The following MARCHF4 variants were observed in gnomAD, a reference collection of about 807,000 sequenced individuals.
The protein encoded by MARCHF4 is E3 ubiquitin-protein ligase MARCHF4.
MARCHF4 carries 14 observed loss-of-function variants against 43.9 expected under a neutral mutation model. That is an observed-to-expected ratio of 0.32 (90% CI 0.21 to 0.50). The LOEUF is 0.50. Among genes scored for constraint, MARCHF4 ranks in the 20% least tolerant of loss-of-function variants. MARCHF4 has a pLI of 0.98. For synonymous variants in MARCHF4, 226 were observed against 213.3 expected (o/e 1.06, Z -0.52); for missense variants, 468 against 536.7 (o/e 0.87, Z 1.27).
At chr2:216,274,962 T>A (rs1257713837) in intron 3 of MARCHF4, among the ~76,000 whole-genome samples, 1 of 152,212 alleles carries the variant, frequency 6.6e-6, no homozygotes, top group Non-Finnish European at 1.5e-5. Context: ...CACTTTTGGA[T>A]GACACTGAAA....
chr2:216,335,613 G>A (rs1374604636), intron 1 of MARCHF4, among the ~76,000 whole-genome samples: 1 of 152,148 alleles, frequency 6.6e-6, no homozygotes, highest in Non-Finnish European at 1.5e-5. Flanking sequence ...GGACTTAGTA[G>A]CAGTTTGCAG....
chr2:216,369,624 C>T, intron 1 of MARCHF4, 121 bp downstream of exon 1: 1 of 779,774 alleles, frequency 1.3e-6, no homozygotes, highest in Non-Finnish European at 2.0e-6. Context: ...AATGAGGGCT[C>T]TTAAACATAG....
At chr2:216,341,490 C>T (rs578059944) in intron 1 of MARCHF4, among the ~76,000 whole-genome samples, 21 of 152,154 alleles carry the variant, frequency 1.4e-4, no homozygotes, top group African/African-American at 5.1e-4. Context: ...CTGGGAGGGC[C>T]CTCTTCTGTT....
intron 1 of MARCHF4, among the ~76,000 whole-genome samples, chr2:216,347,666 G>T (rs1333450820): frequency 6.6e-6 from 1 of 151,820 alleles, no homozygotes; most frequent in East Asian, 1.9e-4. Flanking sequence ...GGCGGAAGTT[G>T]CAGTGAGCTG....
intron 1 of MARCHF4, among the ~76,000 whole-genome samples, chr2:216,309,941 T>C (rs1054432174): frequency 5.3e-5 from 8 of 152,200 alleles, no homozygotes; most frequent in Admixed American, 5.2e-4. Context: ...AATCCCATCC[T>C]AGCTACAAAC....
At chr2:216,331,992 T>C (rs1164322533) in intron 1 of MARCHF4, among the ~76,000 whole-genome samples, 2 of 152,094 alleles carry the variant, frequency 1.3e-5, no homozygotes, top group African/African-American at 4.8e-5. Flanking sequence ...TAAAAACAAA[T>C]ATGTAACTTG....
intron 3 of MARCHF4, among the ~76,000 whole-genome samples, chr2:216,262,133 A>C (rs1690751443): frequency 6.6e-6 from 1 of 152,170 alleles, no homozygotes. Flanking sequence ...ATAAGAGAGG[A>C]AGTGTTAAAG....
At position 216,272,624 on chromosome 2, in the gene MARCHF4, C is replaced by A. The variant is rs138201143; in HGVS notation, c.865+5048G>T. 3.9e-5 allele frequency among the ~76,000 whole-genome samples: 6 copies of A among 152,324 alleles called. No individual in the cohort carries two copies. The South Asian group carries it at 8.3e-4, about 21-fold the overall frequency. On this transcript the variant is annotated intron_variant, in intron 3 of 3. Transcript: ENST00000273067. ...TGACTTGGAGCACAGTTGCTTTAAG[C>A]CTTTCCTCATCTGTTAAATATGCAT...
chr2:216,329,629 T>TA (rs11382622), intron 1 of MARCHF4, among the ~76,000 whole-genome samples: 55,901 of 150,626 alleles, frequency 0.37, 10,874 homozygotes, highest in East Asian at 0.54. Context: ...GTAGGACAAA[T>TA]AAAAAATCAG....
chr2:216,356,745 G>A (rs56061531), intron 1 of MARCHF4, among the ~76,000 whole-genome samples: 6,254 of 152,106 alleles, frequency 0.041, 397 homozygotes, highest in African/African-American at 0.14. Context: ...AAAATAGGCC[G>A]GGCGTAGTGG....
At chr2:216,365,444 C>CAGCTGCCT (rs958058973) in intron 1 of MARCHF4, among the ~76,000 whole-genome samples, 3 of 152,236 alleles carry the variant, frequency 2.0e-5, no homozygotes, top group African/African-American at 7.2e-5. Context: ...AGGCACTCCA[C>CAGCTGCCT]AGCTGCCTAG....
intron 3 of MARCHF4, among the ~76,000 whole-genome samples, chr2:216,263,576 GAGAA>G (rs1162594075): frequency 2.0e-5 from 3 of 151,498 alleles, no homozygotes; most frequent in Non-Finnish European, 2.9e-5. Flanking sequence ...AAGAAAGAAA[GAGAA>G]AGAAAGAGAG....
At chr2:216,309,432 C>T (rs1447848068) in intron 1 of MARCHF4, among the ~76,000 whole-genome samples, 4 of 152,166 alleles carry the variant, frequency 2.6e-5, no homozygotes, top group South Asian at 2.1e-4. Context: ...CTTTCCTTTG[C>T]TTATCCTGTT....
chr2:216,259,133 G>A lies in MARCHF4; in HGVS notation c.*179C>T, dbSNP rs1690699047. On this transcript the variant is annotated 3_prime_UTR_variant, in exon 4 of 4. Transcript: ENST00000273067. ...TGTGGAGAGTGGCATTGACTGATTGGAAATAGCAGAACTGCTCCTGCACCA... is the reference window on the plus strand; with the variant it reads ...TGTGGAGAGTGGCATTGACTGATTGAAAATAGCAGAACTGCTCCTGCACCA... 4 of 773,942 alleles carry A rather than the reference G, an allele frequency of 5.2e-6. No individual in the cohort carries two copies. 47.9% of individuals were successfully genotyped at this position (773,942 alleles called of 1,614,324 possible).
At chr2:216,301,213 G>C (rs1224452541) in intron 1 of MARCHF4, among the ~76,000 whole-genome samples, 1 of 152,310 alleles carries the variant, frequency 6.6e-6, no homozygotes, top group African/African-American at 2.4e-5. Flanking sequence ...CCAAGGGAAA[G>C]GACTCAAACA....
chr2:216,336,243 C>A (rs553836676), intron 1 of MARCHF4, among the ~76,000 whole-genome samples: 2 of 152,070 alleles, frequency 1.3e-5, no homozygotes, highest in Non-Finnish European at 2.9e-5. Context: ...AAAAAGAATT[C>A]AAAACAAATC....
chr2:216,363,045 ACAGCTGGGCTTTTCCAGCATAC>A (rs769540820), intron 1 of MARCHF4, among the ~76,000 whole-genome samples: 45 of 152,036 alleles, frequency 3.0e-4, no homozygotes, highest in Non-Finnish European at 5.4e-4. Context: ...CTCACAGGCC[ACAGCTGGGCTTTTCCAGCATAC>A]CAGCTGGAAA....
At chr2:216,300,684 A>T (rs1340676682) in intron 1 of MARCHF4, among the ~76,000 whole-genome samples, 1 of 152,050 alleles carries the variant, frequency 6.6e-6, no homozygotes, top group Non-Finnish European at 1.5e-5. Flanking sequence ...TTATACATAC[A>T]AAGCTCGAAG....
intron 3 of MARCHF4, among the ~76,000 whole-genome samples, chr2:216,267,864 C>G (rs908726061): frequency 1.3e-5 from 2 of 152,108 alleles, no homozygotes; most frequent in African/African-American, 4.8e-5. Flanking sequence ...AATGAAATGC[C>G]TCTCGAGGGG....
Sources: gnomAD v4.1 joint callset for allele counts (sites outside exome capture counted in the v4.1 genomes callset) on GRCh38, gnomAD v4.1.1 for gene constraint, MANE v1.5 for transcripts, NCBI Gene and HGNC (gene_info 2026-07-23, HGNC 2026-07-21) for gene names.